The following DNAJC21 variants were observed in gnomAD, a reference collection of about 807,000 sequenced individuals.
DNAJC21 encodes dnaJ homolog subfamily C member 21.
A neutral mutation model predicts 72.4 loss-of-function variants in DNAJC21; 63 were observed. That is an observed-to-expected ratio of 0.87 (90% confidence interval 0.71 to 1.07). The LOEUF (loss-of-function observed/expected upper bound fraction) is 1.07, where lower values mean the gene tolerates loss of function less well. DNAJC21 is among the 50% of genes least tolerant of loss of function. The pLI is 0.00. For missense variants in DNAJC21, 634 were observed against 644.8 expected (o/e 0.98, Z 0.18); for synonymous variants, 203 against 216.7 (o/e 0.94, Z 0.56).
In DNAJC21 at chr5:34,941,691, C is replaced by G. The variant is rs776468950; in HGVS notation, c.983+508C>G. Among the ~76,000 whole-genome samples, 17 of 151,654 alleles carry G rather than the reference C, an allele frequency of 1.1e-4. 1 individual carries two copies. In the South Asian group the frequency reaches 3.5e-3, roughly 32 times the overall value. On this transcript the variant is annotated intron_variant, in intron 7 of 11. Transcript: ENST00000648817. ...AAGCGATTCTCCTGCCTCAAGCTCC[C>G]GAGTAGCTGGGACTACAGATGCAGG... is the stretch of plus-strand genomic sequence containing the variant.
chr5:34,952,679 C>A (rs1239712787), intron 10 of DNAJC21: 1 of 152,078 alleles, frequency 6.6e-6, no homozygotes, highest in Non-Finnish European at 1.5e-5. Flanking sequence ...CGTTTCTGAT[C>A]TAAATGGTAT....
At position 34,957,033 on chromosome 5, in the gene DNAJC21, A is replaced by G. The variant is rs769326035; in HGVS notation, c.*2319A>G. On this transcript the variant is annotated 3_prime_UTR_variant, in exon 12 of 12. Coordinates refer to ENST00000648817, the MANE Select transcript of DNAJC21 (RefSeq NM_001012339.3). ...TCTTTTTTAGTTTATATATTTGCAG[A>G]CTATACATGTTGGATTAAATGGGCA... 3 of 152,224 alleles carry G rather than the reference A, an allele frequency of 2.0e-5. No individual in the cohort carries two copies. The highest frequency in any genetic ancestry group is 2.9e-5 in the Non-Finnish European group (2 of 68,024). The allele number at this position is 152,224 out of a possible 1,614,324, so 9.4% of individuals were successfully genotyped here. A position where few individuals can be genotyped will look rare whatever the true frequency, so the allele number is the denominator to read the frequency against.
At position 34,941,206 on chromosome 5, in the gene DNAJC21, A is replaced by G. The variant is rs200893965; in HGVS notation, c.983+23A>G. ...GGCGTAAGTTTATTAATTTAATTTA[A>G]TTTAATTTTGAGACAGGGTCTCACT... On this transcript the variant is annotated intron_variant, in intron 7 of 11. Coordinates refer to ENST00000648817, the MANE Select transcript of DNAJC21 (RefSeq NM_001012339.3). The G allele has an allele frequency of 4.4e-6, 7 of 1,606,030 alleles. No homozygotes were observed. In the East Asian group the frequency reaches 1.3e-4, roughly 31 times the overall value.
chr5:34,937,370 A>G lies in DNAJC21; in HGVS notation c.483A>G (p.Gln161=), dbSNP rs376335909. The G allele has an allele frequency of 2.1e-4, 346 of 1,613,798 alleles. 1 individual carries two copies. Among genetic ancestry groups the G allele is most frequent in the Non-Finnish European group, 1.4e-4 (160 of 1,179,948 alleles). The stretch of plus-strand genomic sequence containing the variant: ...CTTATTGGCAGAGTTTCTGCACTCA[A>G]AAGAATTTTGCATGGAAGGAAGAAT... ...FYAYWQSFCT[Q]KNFAWKEEYD... The change falls in exon 5 of 12, where the codon CAA becomes CAG. Residue 161 remains glutamine, a synonymous_variant. Coordinates refer to ENST00000648817, the MANE Select transcript of DNAJC21 (RefSeq NM_001012339.3).
chr5:34,949,351 C>T (rs1215958271), intron 9 of DNAJC21, among the ~76,000 whole-genome samples: 1 of 152,042 alleles, frequency 6.6e-6, no homozygotes, highest in East Asian at 1.9e-4. Flanking sequence ...GGGAGCTGCT[C>T]TAGAATAAAG....
chr5:34,937,198 A>T, intron 4 of DNAJC21, 128 bp from the exon 5 acceptor site: 1 of 953,178 alleles, frequency 1.0e-6, no homozygotes, highest in Non-Finnish European at 1.5e-6. Context: ...TGTCTTCTCC[A>T]GAGATTATTA....
rs116911992 is a variant in DNAJC21, at chr5:34,931,304, G to A, written c.97+1388G>A. 1.9e-3 allele frequency among the ~76,000 whole-genome samples: 286 copies of A among 152,296 alleles called. 5 individuals carry two copies. In the East Asian group the frequency reaches 0.038, roughly 20 times the overall value. On this transcript the variant is annotated intron_variant, in intron 1 of 11. Transcript: ENST00000648817. ...AGTAAATGAACTGATGTTCATCATA[G>A]CAGTAAGTCAGAAGATACAGCCAAA...
At chr5:34,951,946 A>G (rs760195947) in intron 10 of DNAJC21, 27 of 985,378 alleles carry the variant, frequency 2.7e-5, no homozygotes, top group Non-Finnish European at 3.3e-5. Context: ...AGAGAATTCA[A>G]GTGACTTCTT....
At chr5:34,948,120 A>G (rs1765233653) in intron 9 of DNAJC21, among the ~76,000 whole-genome samples, 1 of 152,204 alleles carries the variant, frequency 6.6e-6, no homozygotes, top group Non-Finnish European at 1.5e-5. Flanking sequence ...GGAAATACAA[A>G]TATAAATTGA....
rs371198534 is a variant in DNAJC21 at position 34,956,023 on chromosome 5, A to G, written c.*1309A>G. 4 of 139,312 alleles carry G rather than the reference A, an allele frequency of 2.9e-5. 1 individual carries two copies. The highest frequency in any genetic ancestry group is 1.1e-4 in the African/African-American group (4 of 37,138). The allele number at this position is 139,312 out of a possible 1,614,324, so 8.6% of individuals were successfully genotyped here. On this transcript the variant is annotated 3_prime_UTR_variant, in exon 12 of 12. Coordinates refer to ENST00000648817, the MANE Select transcript of DNAJC21 (RefSeq NM_001012339.3). ...AGCCGAGATCCCGCCACTGCACTCCAGCCTGGGCGACAGAGCGAGACTCCG... is the reference window on the plus strand; with the variant it reads ...AGCCGAGATCCCGCCACTGCACTCCGGCCTGGGCGACAGAGCGAGACTCCG...
chr5:34,937,546 A>G lies in DNAJC21; in HGVS notation c.659A>G (p.His220Arg), dbSNP rs776498241. The change falls in exon 5 of 12, where the codon CAT becomes CGT. Residue 220 changes from histidine to arginine, a missense_variant. Physicochemically the swap from His to Arg is conservative, Grantham distance 29 (BLOSUM62 0). Coordinates refer to ENST00000648817, the MANE Select transcript of DNAJC21 (RefSeq NM_001012339.3). Reference sequence around the variant, plus strand: ...AAAAGAGATAAAAGAGTGCAGGCGCATCGAAAACTTGTGGAAGAACAGAAT... The same window carrying G: ...AAAAGAGATAAAAGAGTGCAGGCGCGTCGAAAACTTGTGGAAGAACAGAAT... ...IRKRDKRVQA[H>R]RKLVEEQNAE... 10 of 1,613,934 alleles carry G rather than the reference A, an allele frequency of 6.2e-6. No individual in the cohort carries two copies. The highest frequency in any genetic ancestry group is 1.6e-4 in the Middle Eastern group (1 of 6,078).
chr5:34,938,621 T>C lies in DNAJC21; in HGVS notation c.744-237T>C, dbSNP rs573935756. 2.4e-4 allele frequency among the ~76,000 whole-genome samples: 37 copies of C among 152,380 alleles called. No homozygotes were observed. The South Asian group carries it at 7.0e-3, about 29-fold the overall frequency. ...CATCTGAAGACTTTTAATAAGTTGC[T>C]GAGTTTCATGTTTCAAAACCTGTTA... On this transcript the variant is annotated intron_variant, in intron 5 of 11. Coordinates refer to ENST00000648817, the MANE Select transcript of DNAJC21 (RefSeq NM_001012339.3).
At chr5:34,939,035 C>CT (rs750461901) in intron 6 of DNAJC21, 26 bp downstream of exon 6, 11 of 1,477,278 alleles carry the variant, frequency 7.4e-6, no homozygotes, top group Non-Finnish European at 8.1e-6. Flanking sequence ...TTTTATTTAT[C>CT]TTTTTTGTTT....
At position 34,950,201 on chromosome 5, in the gene DNAJC21, C is replaced by A; in HGVS notation, c.1217C>A (p.Pro406His). Reference protein sequence around the residue: ...NYDDNFNVNGPGEGVKVDPED... With the variant: ...NYDDNFNVNGHGEGVKVDPED... ...GATGACAATTTCAATGTAAATGGAC[C>A]TGGAGAAGGAGTAAAGGTTGATCCA... Residue 406 changes from proline to histidine, a missense_variant, in exon 10 of 12, where the codon CCT (proline) becomes CAT (histidine). By Grantham distance (77) the Pro-to-His change is moderately conservative. Transcript: ENST00000648817. 6.2e-7 allele frequency: 1 copy of A among 1,608,924 alleles called. No individual in the cohort carries two copies. The highest frequency in any genetic ancestry group is 1.7e-5 in the Admixed American group (1 of 59,212).
chr5:34,937,600 T>C lies in DNAJC21; in HGVS notation c.713T>C (p.Met238Thr). ...GAGAAGGCGAGGAAAGCCGAAGAGA[T>C]GAGGCGGCAGCAGAAGCTAAAGCAG... ...NAEKARKAEE[M>T]RRQQKLKQAK... Residue 238 changes from methionine (M) to threonine (T), a missense_variant, in exon 5 of 12, where the codon ATG becomes ACG. Transcript: ENST00000648817. The C allele has an allele frequency of 4.3e-6, 7 of 1,613,124 alleles. No homozygotes were observed. The highest frequency in any genetic ancestry group is 5.1e-6 in the Non-Finnish European group (6 of 1,179,398).
intron 7 of DNAJC21, among the ~76,000 whole-genome samples, chr5:34,942,657 G>T (rs940942396): frequency 1.3e-5 from 2 of 152,134 alleles, no homozygotes; most frequent in African/African-American, 2.4e-5. Context: ...TGCACAATTT[G>T]CATGTCCTCT....
chr5:34,932,735 G>C (rs865829667), intron 1 of DNAJC21, among the ~76,000 whole-genome samples: 1 of 152,218 alleles, frequency 6.6e-6, no homozygotes, highest in Non-Finnish European at 1.5e-5. Context: ...TGCTCTGCCG[G>C]CTATTGGCCT....
intron 5 of DNAJC21, 102 bp downstream of exon 5, chr5:34,937,732 C>A (rs746277675): frequency 2.2e-5 from 29 of 1,336,324 alleles, no homozygotes; most frequent in Non-Finnish European, 2.4e-5. Flanking sequence ...ATCAGCCTGG[C>A]TTTATCCTGC....
chr5:34,951,079 G>A (rs1373452871), intron 10 of DNAJC21: 12 of 985,224 alleles, frequency 1.2e-5, no homozygotes, highest in Non-Finnish European at 1.4e-5. Flanking sequence ...ACAGTGATGG[G>A]GTGGGGAGTG....
Sources: gnomAD v4.1 joint callset for allele counts (sites outside exome capture counted in the v4.1 genomes callset) on GRCh38, gnomAD v4.1.1 for gene constraint, MANE v1.5 for transcripts, NCBI Gene and HGNC (gene_info 2026-07-23, HGNC 2026-07-21) for gene names.